Variants in BACH2 observed in about 807,000 individuals in gnomAD.
BACH2 encodes the protein BACH transcriptional regulator 2.
BACH2 carries 5 observed loss-of-function variants against 61.8 expected under a neutral mutation model. The ratio of observed to expected loss-of-function variants is 0.08; its 90% CI spans 0.04 to 0.17. The LOEUF (loss-of-function observed/expected upper bound fraction) is 0.17, where lower values mean the gene tolerates loss of function less well. BACH2 is among the 10% of genes least tolerant of loss of function. The pLI is 1.00. For missense variants in BACH2, 824 were observed against 1,091.1 expected (o/e 0.76, Z 3.45); for synonymous variants, 446 against 440.1 (o/e 1.01, Z -0.17).
chr6:90,267,685 T>C (rs777757159), intron 2 of BACH2, among the ~76,000 whole-genome samples: 2 of 152,270 alleles, frequency 1.3e-5, no homozygotes, highest in Non-Finnish European at 2.9e-5. Flanking sequence ...AACGATACCA[T>C]AGGATATTAT....
At chr6:89,947,712 C>CCCG (rs1242993503) in intron 7 of BACH2, among the ~76,000 whole-genome samples, 1 of 151,946 alleles carries the variant, frequency 6.6e-6, no homozygotes, top group East Asian at 1.9e-4. Context: ...ACTACAGGCG[C>CCCG]CCACCACGAC....
chr6:90,241,540 T>C (rs759718680), intron 3 of BACH2, among the ~76,000 whole-genome samples: 1 of 152,136 alleles, frequency 6.6e-6, no homozygotes, highest in Non-Finnish European at 1.5e-5. Flanking sequence ...GATTAAAAAA[T>C]ACATAGAAAT....
intron 5 of BACH2, among the ~76,000 whole-genome samples, chr6:90,014,907 G>C (rs1039142843): frequency 1.3e-5 from 2 of 151,406 alleles, no homozygotes; most frequent in Non-Finnish European, 2.9e-5. Flanking sequence ...AGGCTCCTGA[G>C]TAACTAGGAC....
chr6:90,036,500 A>C (rs982542806), intron 5 of BACH2, among the ~76,000 whole-genome samples: 5 of 152,196 alleles, frequency 3.3e-5, no homozygotes, highest in African/African-American at 1.2e-4. Context: ...ATTTACAGAA[A>C]CATTTAAAGA....
Position 89,928,062 on chromosome 6 carries a change from C to G in BACH2, c.*4346G>C, listed in dbSNP as rs934262898. On this transcript the variant is annotated 3_prime_UTR_variant, in exon 9 of 9. Transcript: ENST00000257749. ...CTCACCAGAAATTGCACTTCCAACA[C>G]AGTCTTCAGTTTGGGGAAGAAACAC... The G allele has an allele frequency of 6.6e-6, 1 of 152,376 alleles. No individual in the cohort carries two copies. Among genetic ancestry groups the G allele is most frequent in the African/African-American group, 2.4e-5 (1 of 41,464 alleles). 9.4% of individuals were successfully genotyped at this position (152,376 alleles called of 1,614,324 possible).
At chr6:90,177,249 G>C (rs1768011122) in intron 4 of BACH2, among the ~76,000 whole-genome samples, 1 of 152,056 alleles carries the variant, frequency 6.6e-6, no homozygotes, top group South Asian at 2.1e-4. Context: ...ATGTATGTCT[G>C]TCTTCCCAAC....
intron 5 of BACH2, among the ~76,000 whole-genome samples, chr6:90,075,973 T>A (rs755975592): frequency 1.6e-4 from 24 of 152,096 alleles, no homozygotes; most frequent in Non-Finnish European, 2.8e-4. Context: ...TAAGAGACGA[T>A]CCAGAGATGG....
chr6:90,278,718 T>C (rs1471735772), intron 1 of BACH2, among the ~76,000 whole-genome samples: 2 of 152,182 alleles, frequency 1.3e-5, no homozygotes, highest in Non-Finnish European at 2.9e-5. Context: ...CAGACTGGGA[T>C]TTCTTCAAGT....
At chr6:90,016,958 G>A (rs79855557) in intron 5 of BACH2, among the ~76,000 whole-genome samples, 1,959 of 151,976 alleles carry the variant, frequency 0.013, 46 homozygotes, top group African/African-American at 0.044. Context: ...ACTTTTTCTT[G>A]ATCACTTGTT....
Position 89,938,341 on chromosome 6 carries a change from G to A in BACH2, c.1846C>T (p.Pro616Ser). The stretch of plus-strand genomic sequence containing the variant: ...TCTGTGATTTGATCTACAGGAAAAG[G>A]AAGTTTTACCTGAAACCAAGAATAA... ...VQDRGQEVKLPFPVDQITDLP... is the reference protein window; with the variant it reads ...VQDRGQEVKLSFPVDQITDLP... The change falls in exon 8 of 9, where the codon CCT becomes TCT. Residue 616 changes from proline to serine, a missense_variant. By Grantham distance (74) the Pro-to-Ser change is moderately conservative. This residue lies in a region of BACH2 where 160 missense variants were observed against 283.5 expected (regional missense o/e 0.56). Coordinates refer to ENST00000257749, the MANE Select transcript of BACH2 (RefSeq NM_021813.4). 1.2e-6 allele frequency: 2 copies of A among 1,613,146 alleles called. No individual in the cohort carries two copies. The highest frequency in any genetic ancestry group is 1.7e-6 in the Non-Finnish European group (2 of 1,179,218).
At chr6:90,168,919 G>A (rs773715394) in intron 4 of BACH2, among the ~76,000 whole-genome samples, 7 of 152,118 alleles carry the variant, frequency 4.6e-5, no homozygotes, top group Non-Finnish European at 8.8e-5. Context: ...CTGAAAACTC[G>A]GTTTTGTAAA....
chr6:90,037,267 T>A (rs922075501), intron 5 of BACH2, among the ~76,000 whole-genome samples: 7 of 152,156 alleles, frequency 4.6e-5, no homozygotes, highest in African/African-American at 1.7e-4. Flanking sequence ...TTGGATTAAG[T>A]GTGAAAAATG....
intron 2 of BACH2, among the ~76,000 whole-genome samples, chr6:90,270,910 G>A (rs527394935): frequency 2.6e-5 from 4 of 151,610 alleles, no homozygotes; most frequent in South Asian, 2.1e-4. Flanking sequence ...CAGAGAATCC[G>A]GAAATAAAGC....
chr6:89,947,157 A>G (rs1446002527), intron 7 of BACH2, among the ~76,000 whole-genome samples: 1 of 152,212 alleles, frequency 6.6e-6, no homozygotes, highest in African/African-American at 2.4e-5. Context: ...GGTTCACTTG[A>G]AAGAGAAGGC....
chr6:89,932,504 A>C lies in BACH2; in HGVS notation c.2430T>G (p.Pro810=). The change falls in exon 9 of 9, where the codon CCT becomes CCG. Residue 810 remains proline (P), a synonymous_variant. Transcript: ENST00000257749. ...DPGTFSERGP[P]LEPRSQTVTV... is the part of the protein sequence containing the mutation. Reference sequence around the variant, plus strand: ...TCACTGTTTGGCTCCTGGGTTCAAGAGGAGGTCCTCTCTCTGAGAAGGTTC... The same window carrying C: ...TCACTGTTTGGCTCCTGGGTTCAAGCGGAGGTCCTCTCTCTGAGAAGGTTC... 1.2e-6 allele frequency: 2 copies of C among 1,613,986 alleles called. No homozygotes were observed. Among genetic ancestry groups the C allele is most frequent in the Non-Finnish European group, 1.7e-6 (2 of 1,180,004 alleles).
intron 4 of BACH2, among the ~76,000 whole-genome samples, chr6:90,149,313 C>T (rs919931518): frequency 1.3e-5 from 2 of 152,174 alleles, no homozygotes; most frequent in African/African-American, 4.8e-5. Flanking sequence ...CAGAAAATAC[C>T]AGTACTCCCA....
At chr6:90,250,472 G>A (rs1770770828) in intron 3 of BACH2, among the ~76,000 whole-genome samples, 1 of 152,166 alleles carries the variant, frequency 6.6e-6, no homozygotes, top group Non-Finnish European at 1.5e-5. Flanking sequence ...CATGTAGTTT[G>A]TCAAATGAAG....
intron 5 of BACH2, among the ~76,000 whole-genome samples, chr6:90,019,326 T>C (rs1261764362): frequency 6.6e-6 from 1 of 152,146 alleles, no homozygotes; most frequent in African/African-American, 2.4e-5. Context: ...CATAAATTCT[T>C]TAATGAAACA....
intron 7 of BACH2, among the ~76,000 whole-genome samples, chr6:89,946,186 A>C (rs1773707884): frequency 1.3e-5 from 2 of 152,228 alleles, no homozygotes; most frequent in Non-Finnish European, 2.9e-5. Context: ...TACAAAAGAA[A>C]AATAGGCAAA....
Sources: allele counts gnomAD v4.1 joint callset (sites outside exome capture counted in the v4.1 genomes callset), GRCh38; gene constraint gnomAD v4.1.1; regional missense constraint gnomAD v4.1.1; transcripts MANE v1.5; gene names NCBI Gene and HGNC (gene_info 2026-07-23, HGNC 2026-07-21).